Variants in MEIS2 observed in about 807,000 individuals in gnomAD.
The protein encoded by MEIS2 is homeobox protein Meis2.
Under a neutral mutation model 58.6 loss-of-function variants are expected in MEIS2, and 9 were observed. The ratio of observed to expected loss-of-function variants is 0.15; its 90% confidence interval spans 0.09 to 0.27. The LOEUF is 0.27. MEIS2 is among the 10% of genes least tolerant of loss of function. The pLI is 1.00. For synonymous variants in MEIS2, 221 were observed against 228.4 expected (o/e 0.97, Z 0.29); for missense variants, 427 against 635.0 (o/e 0.67, Z 3.52).
chr15:36,913,054 T>C (rs2057116043), intron 9 of MEIS2, among the ~76,000 whole-genome samples: 1 of 152,146 alleles, frequency 6.6e-6, no homozygotes, highest in Non-Finnish European at 1.5e-5. Context: ...TATATGGACA[T>C]ACAAAATAAC....
chr15:36,920,645 T>A (rs551484093), intron 9 of MEIS2, among the ~76,000 whole-genome samples: 111 of 152,336 alleles, frequency 7.3e-4, no homozygotes, highest in African/African-American at 2.6e-3. Flanking sequence ...CATGCTTCCT[T>A]TGGCAGATAA....
intron 6 of MEIS2, among the ~76,000 whole-genome samples, chr15:37,092,579 T>C (rs898344280): frequency 2.0e-5 from 3 of 151,984 alleles, no homozygotes; most frequent in Non-Finnish European, 4.4e-5. Flanking sequence ...CTTGAGTTCC[T>C]ATAAATAAAA....
At chr15:36,907,974 T>C (rs771731069) in intron 9 of MEIS2, among the ~76,000 whole-genome samples, 9 of 152,040 alleles carry the variant, frequency 5.9e-5, no homozygotes, top group Non-Finnish European at 1.2e-4. Context: ...TCACTTTAAA[T>C]AAATTATAGT....
intron 8 of MEIS2, among the ~76,000 whole-genome samples, chr15:36,960,986 C>T (rs539900778): frequency 2.6e-5 from 4 of 152,228 alleles, no homozygotes; most frequent in Non-Finnish European, 5.9e-5. Context: ...TGTTTTGGAA[C>T]TCCCCACAGT....
In MEIS2 at chr15:37,056,127, T is replaced by C. The variant is rs534543593; in HGVS notation, c.755-19168A>G. Among the ~76,000 whole-genome samples the C allele has an allele frequency of 4.4e-4, 67 of 152,324 alleles. No individual in the cohort carries two copies. The Middle Eastern group carries it at 0.014, about 31-fold the overall frequency. On this transcript the variant is annotated intron_variant, in intron 7 of 11. Coordinates refer to ENST00000561208, the MANE Select transcript of MEIS2 (RefSeq NM_170675.5). ...AATTAATTGGAATGAGCATGAAAAT[T>C]AGCAGAGCAAACTGCATCAATTTTC...
At chr15:36,931,221 A>G (rs893313124) in intron 9 of MEIS2, among the ~76,000 whole-genome samples, 1 of 152,250 alleles carries the variant, frequency 6.6e-6, no homozygotes, top group Non-Finnish European at 1.5e-5. Flanking sequence ...AAAAAAGCCT[A>G]TAGCAGCAAA....
chr15:36,956,681 T>C (rs905783532), intron 8 of MEIS2, among the ~76,000 whole-genome samples: 1 of 152,174 alleles, frequency 6.6e-6, no homozygotes. Context: ...ATGAAGCTCA[T>C]GCAGACAAAA....
intron 7 of MEIS2, among the ~76,000 whole-genome samples, chr15:37,053,383 T>C (rs2063008043): frequency 6.6e-6 from 1 of 152,176 alleles, no homozygotes; most frequent in African/African-American, 2.4e-5. Flanking sequence ...GCTGACCCAG[T>C]AGAACACAAT....
intron 7 of MEIS2, among the ~76,000 whole-genome samples, chr15:37,065,342 G>T (rs191971248): frequency 6.6e-6 from 1 of 152,266 alleles, no homozygotes; most frequent in East Asian, 1.9e-4. Flanking sequence ...AGAGTGTCAA[G>T]AAATTCTTTA....
intron 9 of MEIS2, among the ~76,000 whole-genome samples, chr15:36,910,692 T>C (rs2056968434): frequency 6.6e-6 from 1 of 152,172 alleles, no homozygotes; most frequent in Non-Finnish European, 1.5e-5. Context: ...ACCCCATGAC[T>C]ACCCCAAATA....
chr15:37,023,757 C>G (rs1444687506), intron 8 of MEIS2, among the ~76,000 whole-genome samples: 1 of 152,146 alleles, frequency 6.6e-6, no homozygotes, highest in African/African-American at 2.4e-5. Flanking sequence ...CTAATTCACT[C>G]TCCATCACCC....
chr15:36,896,751 T>C (rs781117870), intron 9 of MEIS2, 65 bp from the exon 10 acceptor site: 3 of 1,304,178 alleles, frequency 2.3e-6, no homozygotes, highest in Admixed American at 1.7e-5. Context: ...CACCTTTGCA[T>C]GAATGCTGAG....
Position 37,095,376 on chromosome 15 carries a change from C to T in MEIS2, c.438+188G>A, listed in dbSNP as rs554956898. Among the ~76,000 whole-genome samples the T allele has an allele frequency of 2.4e-3, 365 of 152,336 alleles. 3 individuals carry two copies. Among genetic ancestry groups the T allele is most frequent in the African/African-American group, 8.4e-3 (348 of 41,578 alleles). On this transcript the variant is annotated intron_variant, in intron 4 of 11. Transcript: ENST00000561208. ...GGCCTCCCTGGGCTTCGCTCCCCAC[C>T]GCGTTCATCCTGCTCCTCGCTCGCC... is the stretch of plus-strand genomic sequence containing the variant.
intron 8 of MEIS2, among the ~76,000 whole-genome samples, chr15:36,958,008 A>C (rs1048268831): frequency 3.3e-5 from 5 of 152,216 alleles, no homozygotes; most frequent in Non-Finnish European, 7.3e-5. Context: ...ATGTTTTTTA[A>C]TTTAATGGCA....
At chr15:37,002,802 T>C (rs1029534278) in intron 8 of MEIS2, among the ~76,000 whole-genome samples, 1 of 152,204 alleles carries the variant, frequency 6.6e-6, no homozygotes, top group Non-Finnish European at 1.5e-5. Context: ...CATTATATAG[T>C]TGCACAGGAA....
At chr15:36,930,480 C>T (rs1168033989) in intron 9 of MEIS2, among the ~76,000 whole-genome samples, 3 of 152,094 alleles carry the variant, frequency 2.0e-5, no homozygotes, top group Non-Finnish European at 4.4e-5. Flanking sequence ...TGACAAGGTG[C>T]AAACATATAG....
chr15:36,935,738 C>T (rs1353255042), intron 9 of MEIS2, among the ~76,000 whole-genome samples: 1 of 151,778 alleles, frequency 6.6e-6, no homozygotes, highest in Non-Finnish European at 1.5e-5. Flanking sequence ...ATCTGTTTGA[C>T]TATGGCTTTA....
At chr15:37,076,666 T>C (rs1358230195) in intron 7 of MEIS2, among the ~76,000 whole-genome samples, 3 of 152,086 alleles carry the variant, frequency 2.0e-5, no homozygotes, top group Admixed American at 6.6e-5. Context: ...TCTGCTTTAT[T>C]CTCTTCCTTG....
intron 8 of MEIS2, among the ~76,000 whole-genome samples, chr15:37,004,263 A>G (rs944601595): frequency 6.6e-6 from 1 of 152,194 alleles, no homozygotes; most frequent in Non-Finnish European, 1.5e-5. Flanking sequence ...AAATCTTAGG[A>G]TAACTAAGGG....
Sources: allele counts gnomAD v4.1 joint callset (sites outside exome capture counted in the v4.1 genomes callset), GRCh38; gene constraint gnomAD v4.1.1; transcripts MANE v1.5; gene names NCBI Gene and HGNC (gene_info 2026-07-23, HGNC 2026-07-21).